AOAH: variants seen among roughly 807,000 people sequenced by gnomAD.
The protein encoded by AOAH is acyloxyacyl hydrolase, also known as acyloxyacyl hydrolase (neutrophil).
In AOAH, 64 loss-of-function variants were observed where a neutral mutation model predicts 92.2. The ratio of observed to expected loss-of-function variants is 0.69; its 90% confidence interval spans 0.57 to 0.86. The LOEUF is 0.86. Ranked by LOEUF, AOAH falls within the 40% of genes least tolerant of loss-of-function variation. The probability of loss-of-function intolerance (pLI) is 0.00; values close to 1 mark genes in which losing one functional copy is unlikely to be tolerated. For synonymous variants in AOAH, 263 were observed against 254.5 expected (o/e 1.03, Z -0.32); for missense variants, 656 against 694.6 (o/e 0.94, Z 0.62).
At chr7:36,686,871 C>CGTGTGT (rs35260531) in intron 1 of AOAH, 77 bp from the exon 2 acceptor site, 9 of 520,126 alleles carry the variant, frequency 1.7e-5, no homozygotes, top group Non-Finnish European at 2.6e-5. Flanking sequence ...AGAAAGGATG[C>CGTGTGT]GTGTGTGTGT....
chr7:36,549,776 T>G (rs189711639), intron 13 of AOAH, among the ~76,000 whole-genome samples: 41 of 152,176 alleles, frequency 2.7e-4, no homozygotes, highest in Middle Eastern at 3.4e-3. Context: ...CTAGTAGATG[T>G]GAGAAAAAAA....
chr7:36,629,148 AAGTTGTAAAGCACTGAACC>A (rs1345626353), intron 6 of AOAH, among the ~76,000 whole-genome samples: 2 of 152,242 alleles, frequency 1.3e-5, no homozygotes, highest in Non-Finnish European at 2.9e-5. Flanking sequence ...CGTGCTTTTT[AAGTTGTAAAGCACTGAACC>A]AGTTGTGACC....
intron 11 of AOAH, among the ~76,000 whole-genome samples, chr7:36,611,198 T>G (rs1791427627): frequency 6.6e-6 from 1 of 152,206 alleles, no homozygotes; most frequent in Non-Finnish European, 1.5e-5. Flanking sequence ...AGAGAGATTT[T>G]AATAACCCCG....
rs759390376 is a variant in AOAH at position 36,724,062 on chromosome 7, G to T, written c.87C>A (p.Asp29Glu). The T allele has an allele frequency of 3.7e-5, 59 of 1,613,702 alleles. No homozygotes were observed. The Admixed American group carries it at 9.7e-4, about 26-fold the overall frequency. Residue 29 changes from aspartate (D) to glutamate (E), a missense_variant, in exon 1 of 21, where the codon GAC becomes GAA. Asp to Glu is a conservative substitution (Grantham distance 45). Coordinates refer to ENST00000617537, the MANE Select transcript of AOAH (RefSeq NM_001637.4). ...CATTCGAGAGGCTGGGCCTGGACTG[G>T]TCATCGTTGGCTGGAGAGGCCGAGG... Reference protein sequence around the residue: ...LQSSASPANDDQSRPSLSNGH... With the variant: ...LQSSASPANDEQSRPSLSNGH...
At chr7:36,637,130 T>G (rs893132337) in intron 5 of AOAH, among the ~76,000 whole-genome samples, 5 of 152,232 alleles carry the variant, frequency 3.3e-5, no homozygotes, top group African/African-American at 1.2e-4. Context: ...CTGCGAGAAC[T>G]GATCTGAAAT....
At chr7:36,658,928 G>T (rs1370036405) in intron 4 of AOAH, among the ~76,000 whole-genome samples, 1 of 152,156 alleles carries the variant, frequency 6.6e-6, no homozygotes, top group Non-Finnish European at 1.5e-5. Context: ...CTACTGGCAG[G>T]CCAGCTCAAA....
chr7:36,635,488 G>A (rs1047141614), intron 5 of AOAH, among the ~76,000 whole-genome samples: 5 of 152,122 alleles, frequency 3.3e-5, no homozygotes, highest in Non-Finnish European at 5.9e-5. Context: ...CCCTTGTCGT[G>A]TATTATATTA....
In AOAH at chr7:36,651,101, C is replaced by T. The variant is rs561382693; in HGVS notation, c.390+8065G>A. On this transcript the variant is annotated intron_variant, in intron 4 of 20. Transcript: ENST00000617537. Reference sequence around the variant, plus strand: ...GAAGGAGTCACCTCCACTCCTGTTCCCTCCAGGACCAGCTCAGCCCTCGTC... The same window carrying T: ...GAAGGAGTCACCTCCACTCCTGTTCTCTCCAGGACCAGCTCAGCCCTCGTC... Among the ~76,000 whole-genome samples, 3 of 152,308 alleles carry T rather than the reference C, an allele frequency of 2.0e-5. No individual in the cohort carries two copies. The South Asian group carries it at 6.2e-4, about 32-fold the overall frequency.
At position 36,623,183 on chromosome 7, in the gene AOAH, T is replaced by G; in HGVS notation, c.582+7A>C. On this transcript the variant is annotated splice_region_variant and intron_variant, in intron 7 of 20. Coordinates refer to ENST00000617537, the MANE Select transcript of AOAH (RefSeq NM_001637.4). ...GTGAACATCTGGTTATTCCTAACAA[T>G]ACTTACTGGGAAAACGCTGTATTTG... 1 of 1,612,328 alleles carries G rather than the reference T, an allele frequency of 6.2e-7. No individual in the cohort carries two copies. The highest frequency in any genetic ancestry group is 8.5e-7 in the Non-Finnish European group (1 of 1,178,334).
At chr7:36,631,874 C>T (rs2116234309) in intron 6 of AOAH, among the ~76,000 whole-genome samples, 162 bp downstream of exon 6, 1 of 152,266 alleles carries the variant, frequency 6.6e-6, no homozygotes, top group East Asian at 1.9e-4. Context: ...TTCTTCAGAG[C>T]TCATTTGTCT....
chr7:36,635,741 A>G (rs73687587), intron 5 of AOAH, among the ~76,000 whole-genome samples: 4,543 of 152,284 alleles, frequency 0.03, 227 homozygotes, highest in African/African-American at 0.1. Context: ...ACGTGGAGAT[A>G]GCTAGCTCTG....
intron 3 of AOAH, among the ~76,000 whole-genome samples, chr7:36,663,368 T>C (rs1379532460): frequency 6.6e-6 from 1 of 152,228 alleles, no homozygotes; most frequent in Non-Finnish European, 1.5e-5. Flanking sequence ...TGTTGTATAC[T>C]CTATGGGTTT....
At chr7:36,643,825 T>A (rs536825427) in intron 4 of AOAH, among the ~76,000 whole-genome samples, 1 of 152,216 alleles carries the variant, frequency 6.6e-6, no homozygotes, top group East Asian at 1.9e-4. Context: ...TAGGACTCCC[T>A]TTGCTCTCTC....
Position 36,724,354 on chromosome 7 carries a change from T to G in AOAH, c.-206A>C. Reference sequence around the variant, plus strand: ...ACATAAACACTCACAGACCCACAGCTTGCTCTTGTTGGACCCTGAGAGAGC... The same window carrying G: ...ACATAAACACTCACAGACCCACAGCGTGCTCTTGTTGGACCCTGAGAGAGC... On this transcript the variant is annotated 5_prime_UTR_variant, in exon 1 of 21. Transcript: ENST00000617537. The G allele has an allele frequency of 8.8e-6, 4 of 453,690 alleles. No individual in the cohort carries two copies. The highest frequency in any genetic ancestry group is 1.6e-5 in the Non-Finnish European group (4 of 250,214). The allele number at this position is 453,690 out of a possible 1,614,324, so 28.1% of individuals were successfully genotyped here. A position where few individuals can be genotyped will look rare whatever the true frequency, so the allele number is the denominator to read the frequency against.
chr7:36,628,832 C>T (rs1792863112), intron 6 of AOAH, among the ~76,000 whole-genome samples: 1 of 152,178 alleles, frequency 6.6e-6, no homozygotes, highest in Non-Finnish European at 1.5e-5. Flanking sequence ...CACGTGAGGA[C>T]TCCGTGCTAG....
At chr7:36,541,719 A>G (rs1785438382) in intron 15 of AOAH, among the ~76,000 whole-genome samples, 2 of 152,368 alleles carry the variant, frequency 1.3e-5, no homozygotes, top group South Asian at 4.1e-4. Context: ...AATTATTTTA[A>G]AAAGCTATGT....
At chr7:36,681,384 G>T (rs762691156) in intron 2 of AOAH, among the ~76,000 whole-genome samples, 1 of 152,058 alleles carries the variant, frequency 6.6e-6, no homozygotes, top group East Asian at 1.9e-4. Flanking sequence ...AACATGTATA[G>T]ATCTTAAAAT....
chr7:36,631,726 C>T (rs1014912985), intron 6 of AOAH, among the ~76,000 whole-genome samples: 13 of 152,168 alleles, frequency 8.5e-5, no homozygotes, highest in African/African-American at 3.1e-4. Context: ...GGGGCTGTTT[C>T]CAGGTGTAGT....
chr7:36,630,474 T>C (rs1792993585), intron 6 of AOAH, among the ~76,000 whole-genome samples: 1 of 152,170 alleles, frequency 6.6e-6, no homozygotes, highest in South Asian at 2.1e-4. Flanking sequence ...CATTAAAGCA[T>C]CACTTGTATG....
Sources: gnomAD v4.1 joint callset for allele counts (sites outside exome capture counted in the v4.1 genomes callset) on GRCh38, gnomAD v4.1.1 for gene constraint, MANE v1.5 for transcripts, NCBI Gene and HGNC (gene_info 2026-07-23, HGNC 2026-07-21) for gene names.